MYO1D: variants seen among roughly 807,000 people sequenced by gnomAD.
MYO1D encodes myosin ID.
A neutral mutation model predicts 122.0 loss-of-function variants in MYO1D; 83 were observed. The observed-to-expected ratio is 0.68, with a 90% CI of 0.57 to 0.82. The LOEUF (loss-of-function observed/expected upper bound fraction) is 0.82. Ranked by LOEUF, MYO1D falls within the 40% of genes least tolerant of loss-of-function variation. MYO1D has a pLI of 0.00. For missense variants in MYO1D, 1,157 were observed against 1,269.5 expected (o/e 0.91, Z 1.35); for synonymous variants, 464 against 446.9 (o/e 1.04, Z -0.48).
At chr17:32,744,118 T>C (rs893525583) in intron 13 of MYO1D, among the ~76,000 whole-genome samples, 9 of 152,084 alleles carry the variant, frequency 5.9e-5, no homozygotes, top group African/African-American at 1.7e-4. Context: ...TCTACCTACC[T>C]TTCTAAAGTC....
chr17:32,538,205 C>G (rs1218507055), intron 21 of MYO1D, among the ~76,000 whole-genome samples: 1 of 151,290 alleles, frequency 6.6e-6, no homozygotes, highest in African/African-American at 2.4e-5. Context: ...TAGTAACTGA[C>G]AGTAAGCTAA....
At chr17:32,556,689 T>C (rs1597895708) in intron 21 of MYO1D, among the ~76,000 whole-genome samples, 1 of 152,196 alleles carries the variant, frequency 6.6e-6, no homozygotes, top group East Asian at 1.9e-4. Flanking sequence ...TCAGCCAAAA[T>C]GTTTAACTAC....
At chr17:32,798,126 C>T (rs958817448) in intron 1 of MYO1D, among the ~76,000 whole-genome samples, 5 of 152,162 alleles carry the variant, frequency 3.3e-5, no homozygotes, top group Non-Finnish European at 7.3e-5. Flanking sequence ...AGTAGGAAAA[C>T]CGGAAAGTTT....
intron 14 of MYO1D, among the ~76,000 whole-genome samples, chr17:32,723,467 A>G (rs970926224): frequency 3.3e-5 from 5 of 152,194 alleles, no homozygotes; most frequent in Middle Eastern, 3.4e-3. Context: ...TCATCTTGTC[A>G]TCTGTAGCAG....
In MYO1D at chr17:32,863,496, T is replaced by C. The variant is rs903627588; in HGVS notation, c.95+13282A>G. ...ACCCAGAGAGGATTACCTTTGTAAA[T>C]TAAGAGGGGAAAGGGAATTCACGGG... On this transcript the variant is annotated intron_variant, in intron 1 of 21. Transcript: ENST00000318217. 2.0e-5 allele frequency among the ~76,000 whole-genome samples: 3 copies of C among 152,246 alleles called. No homozygotes were observed. In the East Asian group the frequency reaches 5.8e-4, roughly 29 times the overall value.
chr17:32,731,112 T>C (rs1420453984), intron 14 of MYO1D, among the ~76,000 whole-genome samples: 2 of 152,184 alleles, frequency 1.3e-5, no homozygotes, highest in African/African-American at 4.8e-5. Context: ...TTTCACTGTG[T>C]TAGCCAGAAT....
chr17:32,742,328 T>G (rs981481059), intron 13 of MYO1D, among the ~76,000 whole-genome samples: 29 of 152,332 alleles, frequency 1.9e-4, no homozygotes, highest in African/African-American at 6.0e-4. Flanking sequence ...TCGGGACAAC[T>G]GTATTCCATT....
At chr17:32,803,198 G>A (rs1246842702) in intron 1 of MYO1D, among the ~76,000 whole-genome samples, 6 of 152,020 alleles carry the variant, frequency 3.9e-5, no homozygotes, top group Non-Finnish European at 8.8e-5. Flanking sequence ...CCAGGCTTGA[G>A]TGCAGTGGCG....
chr17:32,637,816 G>A (rs1474336015), intron 20 of MYO1D, among the ~76,000 whole-genome samples: 1 of 152,138 alleles, frequency 6.6e-6, no homozygotes, highest in Non-Finnish European at 1.5e-5. Context: ...CCACCCCATA[G>A]TCTAAATCAT....
Position 32,760,371 on chromosome 17 carries a change from C to T in MYO1D, c.1215G>A (p.Glu405=). The T allele has an allele frequency of 6.2e-7, 1 of 1,612,130 alleles. No individual in the cohort carries two copies. Among genetic ancestry groups the T allele is most frequent in the Non-Finnish European group, 8.5e-7 (1 of 1,178,492 alleles). ...GCTGAATAAATAGCTGCTGCAGTTT[C>T]TCATTGCAGTAATTGATACAGAATT... ...FEQFCINYCN[E]KLQQLFIQLV... The change falls in exon 10 of 22, where the codon GAG becomes GAA. Residue 405 remains glutamate, a synonymous_variant. Coordinates refer to ENST00000318217, the MANE Select transcript of MYO1D (RefSeq NM_015194.3).
At position 32,614,735 on chromosome 17, in the gene MYO1D, C is replaced by G. The variant is rs1280011849; in HGVS notation, c.2710-9494G>C. Reference sequence around the variant, plus strand: ...CTGTGGCATAACTGAGAGTTTATCCCTTTATAAGCAAGCATCTCTTGAAAG... The same window carrying G: ...CTGTGGCATAACTGAGAGTTTATCCGTTTATAAGCAAGCATCTCTTGAAAG... On this transcript the variant is annotated intron_variant, in intron 20 of 21. Transcript: ENST00000318217. Among the ~76,000 whole-genome samples the G allele has an allele frequency of 4.6e-4, 70 of 152,170 alleles. 1 individual carries two copies. Among genetic ancestry groups the G allele is most frequent in the Admixed American group, 4.4e-3 (67 of 15,270 alleles).
chr17:32,651,554 C>T (rs2088388721), intron 19 of MYO1D, among the ~76,000 whole-genome samples: 1 of 152,000 alleles, frequency 6.6e-6, no homozygotes, highest in African/African-American at 2.4e-5. Flanking sequence ...GGGCTCATCA[C>T]CTCATTTTTT....
At chr17:32,775,590 C>A (rs1417620267) in intron 4 of MYO1D, among the ~76,000 whole-genome samples, 2 of 152,112 alleles carry the variant, frequency 1.3e-5, no homozygotes, top group Admixed American at 1.3e-4. Context: ...TTCGGTTAAA[C>A]CTTACCCAGA....
chr17:32,615,519 T>C (rs2087759714), intron 20 of MYO1D, among the ~76,000 whole-genome samples: 1 of 152,348 alleles, frequency 6.6e-6, no homozygotes, highest in Middle Eastern at 3.4e-3. Context: ...AGAATGGTTC[T>C]GCTCTCATGT....
intron 20 of MYO1D, among the ~76,000 whole-genome samples, chr17:32,632,826 A>G (rs2088039397): frequency 6.6e-6 from 1 of 152,088 alleles, no homozygotes; most frequent in Non-Finnish European, 1.5e-5. Context: ...AACAGTAATC[A>G]AAACAGTAAC....
intron 1 of MYO1D, among the ~76,000 whole-genome samples, chr17:32,828,513 C>G (rs1598135454): frequency 1.7e-5 from 1 of 57,532 alleles, no homozygotes; most frequent in African/African-American, 6.8e-5. Context: ...GAGACTCCGT[C>G]TCAAAAAAAA....
chr17:32,721,547 G>A (rs2089510656), intron 14 of MYO1D, among the ~76,000 whole-genome samples: 1 of 152,176 alleles, frequency 6.6e-6, no homozygotes, highest in Non-Finnish European at 1.5e-5. Context: ...AGCAGCTAAC[G>A]ATGAAAATGG....
chr17:32,534,488 A>C (rs1374590335), intron 21 of MYO1D, among the ~76,000 whole-genome samples: 1 of 152,184 alleles, frequency 6.6e-6, no homozygotes, highest in African/African-American at 2.4e-5. Flanking sequence ...AATATATTTT[A>C]AAAGAAGAAC....
At chr17:32,809,072 A>G (rs1311963689) in intron 1 of MYO1D, among the ~76,000 whole-genome samples, 1 of 152,030 alleles carries the variant, frequency 6.6e-6, no homozygotes, top group Non-Finnish European at 1.5e-5. Flanking sequence ...TTGTATCTCA[A>G]AGAAAATGCC....
Sources: allele counts gnomAD v4.1 joint callset (sites outside exome capture counted in the v4.1 genomes callset), GRCh38; gene constraint gnomAD v4.1.1; transcripts MANE v1.5; gene names NCBI Gene and HGNC (gene_info 2026-07-23, HGNC 2026-07-21).